CADPS: variants seen among roughly 807,000 people sequenced by gnomAD.
CADPS encodes calcium dependent secretion activator.
A neutral mutation model predicts 167.3 loss-of-function variants in CADPS; 57 were observed. That is an observed-to-expected ratio of 0.34 (90% CI 0.28 to 0.42). CADPS has a LOEUF of 0.42. Among genes scored for constraint, CADPS ranks in the 20% least tolerant of loss-of-function variants. CADPS has a pLI of 1.00. For synonymous variants in CADPS, 676 were observed against 635.3 expected, an observed-to-expected ratio of 1.06 and a Z score of -0.96; for missense variants, 1,414 against 1,738.1, an observed-to-expected ratio of 0.81 and a Z score of 3.32.
intron 13 of CADPS, 100 bp downstream of exon 13, chr3:62,532,771 A>G (rs1015916643): frequency 2.1e-6 from 2 of 974,356 alleles, no homozygotes; most frequent in South Asian, 3.1e-5. Context: ...ATACCACCGA[A>G]GGAATGAAGA....
At chr3:62,559,799 T>G (rs1052466579) in intron 9 of CADPS, among the ~76,000 whole-genome samples, 1 of 152,276 alleles carries the variant, frequency 6.6e-6, no homozygotes, top group Non-Finnish European at 1.5e-5. Flanking sequence ...CAGCCGGATT[T>G]TTTTTTAACC....
At chr3:62,839,384 T>C (rs183028036) in intron 1 of CADPS, among the ~76,000 whole-genome samples, 258 of 151,952 alleles carry the variant, frequency 1.7e-3, no homozygotes, top group African/African-American at 6.0e-3. Flanking sequence ...AGAAACGGGG[T>C]TTCACCATTT....
Position 62,426,191 on chromosome 3 carries a change from G to A in CADPS, c.3777+11913C>T, listed in dbSNP as rs147493868. 1.7e-3 allele frequency among the ~76,000 whole-genome samples: 258 copies of A among 152,110 alleles called. 1 individual carries two copies. Among genetic ancestry groups the A allele is most frequent in the South Asian group, 4.6e-3 (22 of 4,822 alleles). On this transcript the variant is annotated intron_variant, in intron 28 of 29. Transcript: ENST00000383710. ...TTTTTAGATAGAGTCTAGCTTTGTC[G>A]CCAGGCTGGAGTACAGTGGCACGAT...
At chr3:62,599,744 T>A (rs1262025445) in intron 6 of CADPS, among the ~76,000 whole-genome samples, 341 of 28,398 alleles carry the variant, frequency 0.012, 38 homozygotes, top group African/African-American at 0.054. Flanking sequence ...ATAATATATA[T>A]AATCTATTAT....
rs549337278 is a variant in CADPS, at chr3:62,667,566, C to T, written c.889-5172G>A. Among the ~76,000 whole-genome samples, 6 of 152,092 alleles carry T rather than the reference C, an allele frequency of 3.9e-5. No homozygotes were observed. In the South Asian group the frequency reaches 6.2e-4, roughly 16 times the overall value. ...CAGTCCTGCAGGTTCTCTAGATCCT[C>T]GATGGGAAAGGATTCTGTGATCAAA... On this transcript the variant is annotated intron_variant, in intron 3 of 29. Coordinates refer to ENST00000383710, the MANE Select transcript of CADPS (RefSeq NM_003716.4).
chr3:62,609,875 A>G (rs2061249105), intron 6 of CADPS, among the ~76,000 whole-genome samples: 1 of 152,104 alleles, frequency 6.6e-6, no homozygotes, highest in African/African-American at 2.4e-5. Flanking sequence ...GGATCCCTTG[A>G]GCTCAGGAGT....
chr3:62,829,878 T>A (rs1332941459), intron 1 of CADPS, among the ~76,000 whole-genome samples: 1 of 152,152 alleles, frequency 6.6e-6, no homozygotes, highest in East Asian at 1.9e-4. Flanking sequence ...ATATGCTGCA[T>A]TTCCACCTCC....
At chr3:62,639,236 AT>A (rs1279858354) in intron 6 of CADPS, among the ~76,000 whole-genome samples, 1 of 152,152 alleles carries the variant, frequency 6.6e-6, no homozygotes, top group Non-Finnish European at 1.5e-5. Flanking sequence ...GACTTTTACC[AT>A]TTATGATTTA....
At chr3:62,504,645 G>A (rs532106991) in intron 17 of CADPS, among the ~76,000 whole-genome samples, 2 of 152,224 alleles carry the variant, frequency 1.3e-5, no homozygotes, top group Admixed American at 1.3e-4. Context: ...TGCCACCATA[G>A]AAAAACAAGC....
chr3:62,549,540 T>C (rs2077009105), intron 11 of CADPS, among the ~76,000 whole-genome samples: 1 of 149,872 alleles, frequency 6.7e-6, no homozygotes, highest in African/African-American at 2.4e-5. Flanking sequence ...AAATCAACCC[T>C]ATTTTTAAAT....
rs146578090 is a variant in CADPS at position 62,557,235 on chromosome 3, G to A, written c.1753+170C>T. ...GTTAGGATGGCATTTAACCAACCGG[G>A]ATGGAAACGGCATAATATCAGGGAT... is the stretch of plus-strand genomic sequence containing the variant. On this transcript the variant is annotated intron_variant, in intron 10 of 29. Transcript: ENST00000383710. Among the ~76,000 whole-genome samples, 17 of 152,234 alleles carry A rather than the reference G, an allele frequency of 1.1e-4. No individual in the cohort carries two copies. The East Asian group carries it at 2.5e-3, about 22-fold the overall frequency.
At chr3:62,862,871 T>C (rs2081058533) in intron 1 of CADPS, among the ~76,000 whole-genome samples, 1 of 152,236 alleles carries the variant, frequency 6.6e-6, no homozygotes, top group South Asian at 2.1e-4. Context: ...TGGTGCTCTG[T>C]AGCCCATTCC....
In CADPS at chr3:62,650,939, T is replaced by G; in HGVS notation, c.1111A>C (p.Lys371Gln). The change falls in exon 5 of 30, where the codon AAA (lysine) becomes CAA (glutamine). Residue 371 changes from lysine (K) to glutamine (Q), a missense_variant. By Grantham distance (53) the Lys-to-Gln change is moderately conservative. Transcript: ENST00000383710. ...KGGEFKLQKL[K>Q]RSHNASIIDM... is the part of the protein sequence containing the mutation. ...ATGATGGAAGCATTGTGGCTGCGTTTGAGTTTCTGGAGCTTGAACTCCCCG... is the reference window on the plus strand; with the variant it reads ...ATGATGGAAGCATTGTGGCTGCGTTGGAGTTTCTGGAGCTTGAACTCCCCG... 1.9e-6 allele frequency: 3 copies of G among 1,614,114 alleles called. No homozygotes were observed. The highest frequency in any genetic ancestry group is 2.5e-6 in the Non-Finnish European group (3 of 1,179,976).
intron 10 of CADPS, among the ~76,000 whole-genome samples, chr3:62,551,327 T>C (rs947533648): frequency 2.6e-5 from 4 of 152,202 alleles, no homozygotes; most frequent in African/African-American, 7.2e-5. Flanking sequence ...CCACTTCCAA[T>C]GAATCATGAA....
At position 62,478,359 on chromosome 3, in the gene CADPS, G is replaced by T; in HGVS notation, c.3231C>A (p.Phe1077Leu). 6.2e-7 allele frequency: 1 copy of T among 1,613,872 alleles called. No individual in the cohort carries two copies. The highest frequency in any genetic ancestry group is 2.2e-5 in the East Asian group (1 of 44,880). Residue 1077 changes from phenylalanine to leucine, a missense_variant, in exon 23 of 30, where the codon TTC becomes TTA. Coordinates refer to ENST00000383710, the MANE Select transcript of CADPS (RefSeq NM_003716.4). This position sits in a 1 kb window ranked among gnomAD's most constrained non-coding sequence, Gnocchi z 5.7. ...LFWKLDALQT[F>L]IRDLHWPEEE... ...CTTCAGGCCAGTGCAGGTCCCGAAT[G>T]AAGGTCTGAAGGGCGTCAAGTTTCC...
At chr3:62,522,687 T>A (rs2070991113) in intron 13 of CADPS, among the ~76,000 whole-genome samples, 2 of 152,176 alleles carry the variant, frequency 1.3e-5, no homozygotes, top group Non-Finnish European at 2.9e-5. Flanking sequence ...GTTCCAAATT[T>A]TAATAGATGA....
chr3:62,867,174 T>C (rs1331703430), intron 1 of CADPS, among the ~76,000 whole-genome samples: 3 of 152,044 alleles, frequency 2.0e-5, no homozygotes, highest in African/African-American at 4.8e-5. Flanking sequence ...CCAACATTTT[T>C]AAAAGAGCTA....
At position 62,438,073 on chromosome 3, in the gene CADPS, GGTTTT is replaced by G; in HGVS notation, c.3777+26_3777+30del. Reference sequence around the variant, plus strand: ...TCACATTTTGGAGGGTCTCCTCCTTGGTTTTCAAGGAGGAGAAGGCATTTACTTAC... The same window carrying G: ...TCACATTTTGGAGGGTCTCCTCCTTGCAAGGAGGAGAAGGCATTTACTTAC... On this transcript the variant is annotated intron_variant, in intron 28 of 29. Coordinates refer to ENST00000383710, the MANE Select transcript of CADPS (RefSeq NM_003716.4). The surrounding 1 kb of genome is among the most constrained non-coding windows in gnomAD (Gnocchi z 4.7). 5.5e-6 allele frequency: 8 copies of G among 1,453,770 alleles called. No homozygotes were observed. The highest frequency in any genetic ancestry group is 1.4e-5 in the African/African-American group (1 of 71,540). 90.1% of individuals were successfully genotyped at this position (1,453,770 alleles called of 1,614,324 possible). A position where few individuals can be genotyped will look rare whatever the true frequency, so the allele number is the denominator to read the frequency against.
chr3:62,427,192 A>G (rs1487601216), intron 28 of CADPS, among the ~76,000 whole-genome samples: 1 of 152,160 alleles, frequency 6.6e-6, no homozygotes, highest in African/African-American at 2.4e-5. Context: ...CATGGGAACT[A>G]TAGATGGGTG....
Sources: gnomAD v4.1 joint callset for allele counts (sites outside exome capture counted in the v4.1 genomes callset) on GRCh38, gnomAD v4.1.1 for gene constraint, Gnocchi (gnomAD v3.1) non-coding constraint, MANE v1.5 for transcripts, NCBI Gene and HGNC (gene_info 2026-07-23, HGNC 2026-07-21) for gene names.